The following CXXC4 variants were observed in gnomAD, a reference collection of about 807,000 sequenced individuals.
The protein encoded by CXXC4 is CXXC-type zinc finger protein 4.
Under a neutral mutation model 20.5 loss-of-function variants are expected in CXXC4, and 5 were observed. That is an observed-to-expected ratio of 0.24 (90% CI 0.13 to 0.51). The LOEUF is 0.51. CXXC4 is among the 20% of genes least tolerant of loss of function. CXXC4 has a pLI of 0.97. For synonymous variants in CXXC4, 250 were observed against 216.4 expected (o/e 1.16, Z -1.36); for missense variants, 419 against 496.4 (o/e 0.84, Z 1.48).
At chr4:104,493,998 C>G (rs1736974867) in intron 1 of CXXC4, among the ~76,000 whole-genome samples, 1 of 152,078 alleles carries the variant, frequency 6.6e-6, no homozygotes, top group South Asian at 2.1e-4. Flanking sequence ...AGTGGTGTTT[C>G]CAAACACAAG....
intron 1 of CXXC4, among the ~76,000 whole-genome samples, chr4:104,493,816 G>T (rs1038530792): frequency 6.6e-6 from 1 of 152,200 alleles, no homozygotes; most frequent in East Asian, 1.9e-4. Context: ...CAGTTTCTGC[G>T]AATCACATTG....
chr4:104,481,031 A>G (rs927035646), intron 2 of CXXC4, among the ~76,000 whole-genome samples: 14 of 152,284 alleles, frequency 9.2e-5, no homozygotes, highest in Middle Eastern at 6.8e-3. Flanking sequence ...AACAGAAAAT[A>G]TAATACTACA....
Position 104,477,127 on chromosome 4 carries a change from A to G in CXXC4, c.1060-4761T>C, listed in dbSNP as rs116797945. Among the ~76,000 whole-genome samples, 226 of 152,298 alleles carry G rather than the reference A, an allele frequency of 1.5e-3. 1 individual carries two copies. The highest frequency in any genetic ancestry group is 5.2e-3 in the African/African-American group (216 of 41,580). ...TAATGAATCACTGAAAATTTGCAGTAGAAAGTAAGTGAATAAATATGACAA... is the reference window on the plus strand; with the variant it reads ...TAATGAATCACTGAAAATTTGCAGTGGAAAGTAAGTGAATAAATATGACAA... On this transcript the variant is annotated intron_variant, in intron 2 of 2. Transcript: ENST00000394767.
rs979641077 is a variant in CXXC4, at chr4:104,472,075, A to T, written c.*247T>A. 5.8e-6 allele frequency: 2 copies of T among 342,594 alleles called. No homozygotes were observed. Among genetic ancestry groups the T allele is most frequent in the African/African-American group, 4.3e-5 (2 of 46,956 alleles). 21.2% of individuals were successfully genotyped at this position (342,594 alleles called of 1,614,324 possible). ...ACAACAACTTCACTACTATAGCTAA[A>T]TTACATCAAAGAAAGAATCAGCGTA... On this transcript the variant is annotated 3_prime_UTR_variant, in exon 3 of 3. Transcript: ENST00000394767.
Position 104,469,527 on chromosome 4 carries a change from A to T in CXXC4, c.*2795T>A, listed in dbSNP as rs1440037761. 6.6e-6 allele frequency: 1 copy of T among 152,102 alleles called. No individual in the cohort carries two copies. Among genetic ancestry groups the T allele is most frequent in the Non-Finnish European group, 1.5e-5 (1 of 67,986 alleles). The allele number at this position is 152,102 out of a possible 1,614,324, so 9.4% of individuals were successfully genotyped here. On this transcript the variant is annotated 3_prime_UTR_variant, in exon 3 of 3. Transcript: ENST00000394767. ...ACACAGTGAGGAATATTTAAAAGTTACATTTCATTGGTATTTGAAAATCAT... is the reference window on the plus strand; with the variant it reads ...ACACAGTGAGGAATATTTAAAAGTTTCATTTCATTGGTATTTGAAAATCAT...
At chr4:104,476,338 G>A (rs928722205) in intron 2 of CXXC4, among the ~76,000 whole-genome samples, 5 of 152,070 alleles carry the variant, frequency 3.3e-5, no homozygotes, top group Non-Finnish European at 7.4e-5. Context: ...GCAGTCACAC[G>A]GAAAGTGGTA....
chr4:104,489,239 C>A, intron 2 of CXXC4, among the ~76,000 whole-genome samples: 1 of 151,982 alleles, frequency 6.6e-6, no homozygotes, highest in East Asian at 1.9e-4. Flanking sequence ...AGAATAAATG[C>A]AATATTTTGA....
chr4:104,492,385 A>C (rs1186095839), intron 1 of CXXC4, among the ~76,000 whole-genome samples: 2 of 152,020 alleles, frequency 1.3e-5, no homozygotes, highest in Non-Finnish European at 2.9e-5. Flanking sequence ...TTGGAGTGCT[A>C]AAGACATGCA....
chr4:104,492,724 G>T (rs1347656222), intron 1 of CXXC4, among the ~76,000 whole-genome samples: 2 of 151,980 alleles, frequency 1.3e-5, no homozygotes, highest in African/African-American at 4.8e-5. Context: ...AGCACAGCTG[G>T]CTCTGTTAGG....
chr4:104,483,217 G>C (rs1399607254), intron 2 of CXXC4, among the ~76,000 whole-genome samples: 1 of 151,424 alleles, frequency 6.6e-6, no homozygotes, highest in African/African-American at 2.4e-5. Flanking sequence ...ATTGAGTCTA[G>C]TCATTAAAAA....
In CXXC4 at chr4:104,470,130, TG is replaced by T. The variant is rs1434974399; in HGVS notation, c.*2191del. ...ACTTACTTGTAATTAATTAGCAAAT[TG>T]GTAAACAAAAAACAAAAAATAAAAT... On this transcript the variant is annotated 3_prime_UTR_variant, in exon 3 of 3. Transcript: ENST00000394767. 1.1e-4 allele frequency: 16 copies of T among 146,110 alleles called. No homozygotes were observed. The highest frequency in any genetic ancestry group is 4.1e-4 in the African/African-American group (16 of 39,364). 9.1% of individuals were successfully genotyped at this position (146,110 alleles called of 1,614,324 possible).
At chr4:104,490,622 C>T (rs776279708) in intron 2 of CXXC4, 122 bp downstream of exon 2, 57 of 929,084 alleles carry the variant, frequency 6.1e-5, no homozygotes, top group Non-Finnish European at 8.3e-6. Flanking sequence ...CAACTCTTAC[C>T]ACCTGAATGA....
chr4:104,493,423 T>C (rs1736955670), intron 1 of CXXC4, among the ~76,000 whole-genome samples: 1 of 152,132 alleles, frequency 6.6e-6, no homozygotes, highest in African/African-American at 2.4e-5. Context: ...ATATTCAGAG[T>C]TCAAAATGGT....
At chr4:104,484,450 C>A (rs138192923) in intron 2 of CXXC4, among the ~76,000 whole-genome samples, 64 of 151,954 alleles carry the variant, frequency 4.2e-4, no homozygotes, top group African/African-American at 1.4e-3. Context: ...ATAATTTATA[C>A]CATTTTATAT....
intron 2 of CXXC4, among the ~76,000 whole-genome samples, chr4:104,484,156 A>C (rs1736626323): frequency 6.6e-6 from 1 of 152,026 alleles, no homozygotes; most frequent in Non-Finnish European, 1.5e-5. Flanking sequence ...TGAGGTTTTA[A>C]AATTGGACTG....
chr4:104,488,037 G>A (rs1000007070), intron 2 of CXXC4, among the ~76,000 whole-genome samples: 3 of 152,156 alleles, frequency 2.0e-5, no homozygotes, highest in African/African-American at 7.2e-5. Flanking sequence ...AAGTCAAAGG[G>A]AAGAGTGGCA....
At position 104,487,576 on chromosome 4, in the gene CXXC4, C is replaced by T. The variant is rs577909725; in HGVS notation, c.1059+3168G>A. Among the ~76,000 whole-genome samples, 64 of 152,230 alleles carry T rather than the reference C, an allele frequency of 4.2e-4. No individual in the cohort carries two copies. In the South Asian group the frequency reaches 8.9e-3, roughly 21 times the overall value. On this transcript the variant is annotated intron_variant, in intron 2 of 2. Coordinates refer to ENST00000394767, the MANE Select transcript of CXXC4 (RefSeq NM_025212.4). ...ATCATAAGGATCTCCTATATGATCACGTTTATTAAAACATCAAGGAACTTA... is the reference window on the plus strand; with the variant it reads ...ATCATAAGGATCTCCTATATGATCATGTTTATTAAAACATCAAGGAACTTA...
chr4:104,485,582 T>C (rs1233083270), intron 2 of CXXC4, among the ~76,000 whole-genome samples: 1 of 152,104 alleles, frequency 6.6e-6, no homozygotes, highest in Non-Finnish European at 1.5e-5. Flanking sequence ...GAAGACTTTC[T>C]TAAAAGCACA....
rs1462987892 is a variant in CXXC4, at chr4:104,494,804, T to C, written c.-361A>G. The stretch of plus-strand genomic sequence containing the variant: ...GGTGGGGGGAGAGGAAAGAGTCGAG[T>C]GTGAGTGTATGTGTGAGAGCGCGGG... On this transcript the variant is annotated 5_prime_UTR_variant, in exon 1 of 3. Coordinates refer to ENST00000394767, the MANE Select transcript of CXXC4 (RefSeq NM_025212.4). 7.1e-6 allele frequency: 1 copy of C among 141,446 alleles called. No individual in the cohort carries two copies. The highest frequency in any genetic ancestry group is 1.5e-5 in the Non-Finnish European group (1 of 64,628). 8.8% of individuals were successfully genotyped at this position (141,446 alleles called of 1,614,324 possible). A position where few individuals can be genotyped will look rare whatever the true frequency, so the allele number is the denominator to read the frequency against.
Sources: gnomAD v4.1 joint callset for allele counts (sites outside exome capture counted in the v4.1 genomes callset) on GRCh38, gnomAD v4.1.1 for gene constraint, MANE v1.5 for transcripts, NCBI Gene and HGNC (gene_info 2026-07-23, HGNC 2026-07-21) for gene names.